Variants in ACOXL observed in about 807,000 individuals in gnomAD.
ACOXL encodes the protein acyl-coenzyme A oxidase-like protein.
ACOXL carries 70 observed loss-of-function variants against 71.9 expected under a neutral mutation model. That is an observed-to-expected ratio of 0.97 (90% CI 0.80 to 1.19). ACOXL has a LOEUF of 1.19. Among genes scored for constraint, ACOXL ranks in the 50% most tolerant of loss-of-function variants. ACOXL has a pLI of 0.00. For synonymous variants in ACOXL, 253 were observed against 281.6 expected, an observed-to-expected ratio of 0.90 and a Z score of 1.02; for missense variants, 703 against 736.3, an observed-to-expected ratio of 0.95 and a Z score of 0.52.
chr2:111,041,531 G>T (rs556733057), intron 15 of ACOXL, among the ~76,000 whole-genome samples: 1 of 152,262 alleles, frequency 6.6e-6, no homozygotes, highest in East Asian at 1.9e-4. Context: ...CCATGGGGAG[G>T]CTCACACTGG....
chr2:110,775,563 C>G (rs1573456861), intron 2 of ACOXL, among the ~76,000 whole-genome samples: 1 of 151,888 alleles, frequency 6.6e-6, no homozygotes, highest in Non-Finnish European at 1.5e-5. Context: ...AACCAAACAA[C>G]TAGATTAAAA....
At chr2:110,925,668 C>T (rs1446659228) in intron 11 of ACOXL, among the ~76,000 whole-genome samples, 1 of 152,130 alleles carries the variant, frequency 6.6e-6, no homozygotes, top group Non-Finnish European at 1.5e-5. Flanking sequence ...AAAACTTTCT[C>T]CATATCAGCA....
chr2:110,843,960 C>G (rs1691486127), intron 10 of ACOXL, among the ~76,000 whole-genome samples: 1 of 152,236 alleles, frequency 6.6e-6, no homozygotes, highest in Non-Finnish European at 1.5e-5. Context: ...GTCCAAGGTC[C>G]TTCACCATCG....
At chr2:110,906,604 A>AAT (rs1235634975) in intron 10 of ACOXL, among the ~76,000 whole-genome samples, 1 of 142,732 alleles carries the variant, frequency 7.0e-6, no homozygotes, top group Non-Finnish European at 1.6e-5. Flanking sequence ...AAAAAAAAAA[A>AAT]CCAACCTAAC....
chr2:110,831,832 T>A (rs1488411712), intron 9 of ACOXL, among the ~76,000 whole-genome samples: 1 of 152,158 alleles, frequency 6.6e-6, no homozygotes, highest in African/African-American at 2.4e-5. Context: ...GGAGGAAAGA[T>A]GGCCTTTTCC....
intron 12 of ACOXL, among the ~76,000 whole-genome samples, chr2:110,946,410 C>T (rs1558770292): frequency 6.6e-6 from 1 of 152,246 alleles, no homozygotes; most frequent in East Asian, 1.9e-4. Context: ...CTAGGATTTC[C>T]AGTACTATGC....
chr2:110,960,419 C>T (rs1203158395), intron 12 of ACOXL, among the ~76,000 whole-genome samples: 1 of 152,214 alleles, frequency 6.6e-6, no homozygotes, highest in Non-Finnish European at 1.5e-5. Flanking sequence ...GTGAAGGTCT[C>T]CTCTAACCGT....
chr2:110,758,473 T>A (rs555649401), intron 1 of ACOXL, among the ~76,000 whole-genome samples: 2 of 152,280 alleles, frequency 1.3e-5, no homozygotes, highest in South Asian at 4.1e-4. Context: ...ATCTATACAT[T>A]ATTTGGGGCA....
At chr2:110,818,410 C>CATATAT (rs1371218363) in intron 9 of ACOXL, among the ~76,000 whole-genome samples, 9 of 128,524 alleles carry the variant, frequency 7.0e-5, no homozygotes, top group African/African-American at 2.8e-4. Flanking sequence ...AAAAAAAAAA[C>CATATAT]ATATATATAT....
intron 13 of ACOXL, among the ~76,000 whole-genome samples, chr2:110,995,499 C>CAGAAAAAA (rs2063351729): frequency 1.5e-5 from 1 of 67,290 alleles, no homozygotes; most frequent in Non-Finnish European, 2.5e-5. Context: ...GACTCTGTCT[C>CAGAAAAAA]AAAAAAAAAA....
intron 11 of ACOXL, among the ~76,000 whole-genome samples, chr2:110,914,529 T>C (rs977228276): frequency 3.9e-5 from 6 of 152,250 alleles, no homozygotes; most frequent in African/African-American, 1.2e-4. Flanking sequence ...TGTACTGACC[T>C]GTATTATCAC....
At chr2:111,093,951 C>T (rs925993019) in intron 17 of ACOXL, 2 of 155,130 alleles carry the variant, frequency 1.3e-5, no homozygotes, top group Admixed American at 1.3e-4. Context: ...ATGAACTTGG[C>T]CATAAGAATA....
intron 17 of ACOXL, among the ~76,000 whole-genome samples, chr2:111,106,226 T>C (rs899459744): frequency 2.0e-5 from 3 of 152,242 alleles, no homozygotes; most frequent in Non-Finnish European, 4.4e-5. Context: ...CTGTCTATTA[T>C]TGAGGTTCAG....
intron 12 of ACOXL, chr2:110,967,887 G>A (rs60513805): frequency 0.064 from 79,093 of 1,236,408 alleles, 5,510 homozygotes; most frequent in African/African-American, 0.29. Context: ...GATACCAAGT[G>A]AAATTTAGAA....
chr2:110,811,727 G>GCACACACACACA (rs755379222), intron 9 of ACOXL, among the ~76,000 whole-genome samples: 2 of 29,294 alleles, frequency 6.8e-5, no homozygotes, highest in Non-Finnish European at 1.7e-4. Context: ...TGTTTTTTTT[G>GCACACACACACA]CATACACACA....
chr2:110,897,562 A>G (rs2059062748), intron 10 of ACOXL, among the ~76,000 whole-genome samples: 1 of 149,226 alleles, frequency 6.7e-6, no homozygotes, highest in African/African-American at 2.5e-5. Flanking sequence ...TTAGCCTATT[A>G]TGAGGGCCGA....
At chr2:110,859,311 T>G (rs1334324638) in intron 10 of ACOXL, among the ~76,000 whole-genome samples, 1 of 152,036 alleles carries the variant, frequency 6.6e-6, no homozygotes, top group Non-Finnish European at 1.5e-5. Context: ...AGTGTGCGAG[T>G]GGTGGCTAGA....
intron 3 of ACOXL, among the ~76,000 whole-genome samples, chr2:110,785,759 T>C (rs1331409457): frequency 6.6e-6 from 1 of 152,132 alleles, no homozygotes; most frequent in Non-Finnish European, 1.5e-5. Flanking sequence ...TGAACATGGG[T>C]AAAATCTTCC....
intron 9 of ACOXL, among the ~76,000 whole-genome samples, chr2:110,835,057 T>G (rs1690283952): frequency 6.6e-6 from 1 of 152,238 alleles, no homozygotes; most frequent in African/African-American, 2.4e-5. Flanking sequence ...ACCTGTTTCC[T>G]TAGGTTAAAC....
Sources: gnomAD v4.1 joint callset for allele counts (sites outside exome capture counted in the v4.1 genomes callset) on GRCh38, gnomAD v4.1.1 for gene constraint, MANE v1.5 for transcripts, NCBI Gene and HGNC (gene_info 2026-07-23, HGNC 2026-07-21) for gene names.